PDSS2: variants seen among roughly 807,000 people sequenced by gnomAD.
PDSS2 encodes the protein all trans-polyprenyl-diphosphate synthase PDSS2.
In PDSS2, 31 loss-of-function variants were observed where a neutral mutation model predicts 44.5. The ratio of observed to expected loss-of-function variants is 0.70; its 90% CI spans 0.52 to 0.94. The LOEUF (loss-of-function observed/expected upper bound fraction) is 0.94. Ranked by LOEUF, PDSS2 falls within the 40% of genes least tolerant of loss-of-function variation. The pLI is 0.00. For missense variants in PDSS2, 452 were observed against 482.2 expected (o/e 0.94, Z 0.59); for synonymous variants, 157 against 180.3 (o/e 0.87, Z 1.03).
chr6:107,456,043 C>T lies in PDSS2; in HGVS notation c.296+2947G>A, dbSNP rs550276209. On this transcript the variant is annotated intron_variant, in intron 1 of 7. Transcript: ENST00000369037. ...TGTTAATTACAAGATGACTGTGAGG[C>T]CCGGCGTGGTGGCTCACGCCTATAA... Among the ~76,000 whole-genome samples the T allele has an allele frequency of 3.9e-5, 6 of 152,310 alleles. No homozygotes were observed. In the South Asian group the frequency reaches 1.2e-3, roughly 32 times the overall value.
chr6:107,321,774 T>C (rs1777388804), intron 2 of PDSS2, among the ~76,000 whole-genome samples: 1 of 152,176 alleles, frequency 6.6e-6, no homozygotes, highest in African/African-American at 2.4e-5. Context: ...ATATACTCAA[T>C]TCAACCACCT....
intron 1 of PDSS2, among the ~76,000 whole-genome samples, chr6:107,363,257 T>C (rs1778837570): frequency 6.6e-6 from 1 of 152,194 alleles, no homozygotes; most frequent in Admixed American, 6.5e-5. Flanking sequence ...GAAGGATAAA[T>C]TGTGTTCGGA....
chr6:107,389,462 A>G (rs1401086211), intron 1 of PDSS2, among the ~76,000 whole-genome samples: 3 of 152,222 alleles, frequency 2.0e-5, no homozygotes, highest in African/African-American at 7.2e-5. Flanking sequence ...TCACAGGGGT[A>G]TGATTTAACA....
intron 1 of PDSS2, among the ~76,000 whole-genome samples, chr6:107,405,178 C>G (rs149959560): frequency 4.6e-5 from 7 of 152,036 alleles, no homozygotes; most frequent in African/African-American, 1.2e-4. Flanking sequence ...ATTTTGTACC[C>G]TGCAGGAATA....
intron 3 of PDSS2, among the ~76,000 whole-genome samples, chr6:107,248,986 A>G (rs895156646): frequency 6.6e-6 from 1 of 152,192 alleles, no homozygotes; most frequent in African/African-American, 2.4e-5. Flanking sequence ...CACCCCATCA[A>G]CTGGCAAAGT....
Position 107,348,118 on chromosome 6 carries a change from T to C in PDSS2, c.297-13786A>G, listed in dbSNP as rs535642358. Among the ~76,000 whole-genome samples, 170 of 152,312 alleles carry C rather than the reference T, an allele frequency of 1.1e-3. 1 individual carries two copies. The highest frequency in any genetic ancestry group is 4.0e-3 in the African/African-American group (165 of 41,578). ...TGGAATTTCTGGATATCTATCGGCC[T>C]ATCTTTTCGACTGACTTTTTTTGGG... On this transcript the variant is annotated intron_variant, in intron 1 of 7. Transcript: ENST00000369037.
At chr6:107,366,354 T>A (rs1778959884) in intron 1 of PDSS2, among the ~76,000 whole-genome samples, 1 of 151,750 alleles carries the variant, frequency 6.6e-6, no homozygotes, top group Non-Finnish European at 1.5e-5. Flanking sequence ...AGACAACATA[T>A]CAAAATTTGT....
rs576739107 is a variant in PDSS2 at position 107,165,912 on chromosome 6, A to T, written c.1042-11135T>A. Among the ~76,000 whole-genome samples the T allele has an allele frequency of 6.2e-3, 941 of 151,614 alleles. 8 individuals carry two copies. Among genetic ancestry groups the T allele is most frequent in the African/African-American group, 0.021 (855 of 41,456 alleles). Reference sequence around the variant, plus strand: ...TGTAAGTTGGATTCCTAGGTATTTTATTCTCTTTGAAGCAATTGTGAATGG... The same window carrying T: ...TGTAAGTTGGATTCCTAGGTATTTTTTTCTCTTTGAAGCAATTGTGAATGG... On this transcript the variant is annotated intron_variant, in intron 7 of 7. Coordinates refer to ENST00000369037, the MANE Select transcript of PDSS2 (RefSeq NM_020381.4).
At chr6:107,431,313 C>T (rs189653285) in intron 1 of PDSS2, among the ~76,000 whole-genome samples, 5 of 152,128 alleles carry the variant, frequency 3.3e-5, no homozygotes, top group East Asian at 1.9e-4. Context: ...AGTGCAGTAG[C>T]GCAATCATGG....
intron 1 of PDSS2, among the ~76,000 whole-genome samples, chr6:107,420,464 T>C (rs938959649): frequency 6.6e-6 from 1 of 152,158 alleles, no homozygotes; most frequent in East Asian, 1.9e-4. Flanking sequence ...GACAGTATAG[T>C]ATTGGCAGAA....
chr6:107,282,466 C>A (rs941157094), intron 2 of PDSS2, among the ~76,000 whole-genome samples: 1 of 152,018 alleles, frequency 6.6e-6, no homozygotes, highest in African/African-American at 2.4e-5. Flanking sequence ...GACCATGGCT[C>A]ACTGTAACCT....
intron 7 of PDSS2, among the ~76,000 whole-genome samples, chr6:107,184,346 A>T (rs777793605): frequency 3.9e-5 from 6 of 152,172 alleles, no homozygotes; most frequent in Non-Finnish European, 7.3e-5. Context: ...ACTATATACA[A>T]AAAATTTCTA....
intron 7 of PDSS2, among the ~76,000 whole-genome samples, chr6:107,160,521 T>A (rs369388987): frequency 1.9e-5 from 1 of 52,770 alleles, no homozygotes. Flanking sequence ...CTAATTTAAA[T>A]TTTTTTTTTT....
intron 1 of PDSS2, among the ~76,000 whole-genome samples, chr6:107,447,338 A>G (rs957552128): frequency 2.6e-5 from 4 of 152,106 alleles, no homozygotes; most frequent in Non-Finnish European, 4.4e-5. Flanking sequence ...TCCGTCAAAA[A>G]GCAAAACAAA....
intron 1 of PDSS2, among the ~76,000 whole-genome samples, chr6:107,353,491 T>C (rs569540755): frequency 6.6e-6 from 1 of 152,294 alleles, no homozygotes; most frequent in African/African-American, 2.4e-5. Context: ...TTAGCTAATA[T>C]GACAGCAATA....
At chr6:107,162,939 A>G (rs1554246960) in intron 7 of PDSS2, among the ~76,000 whole-genome samples, 1 of 152,122 alleles carries the variant, frequency 6.6e-6, no homozygotes, top group African/African-American at 2.4e-5. Context: ...ATTATCTAAC[A>G]TTTAGTCCAG....
At chr6:107,347,495 C>T (rs1055739209) in intron 1 of PDSS2, among the ~76,000 whole-genome samples, 11 of 152,108 alleles carry the variant, frequency 7.2e-5, no homozygotes, top group African/African-American at 2.6e-4. Flanking sequence ...GAACTCCTGA[C>T]CTCGTGATCT....
chr6:107,372,669 G>T (rs1779163763), intron 1 of PDSS2, among the ~76,000 whole-genome samples: 1 of 152,092 alleles, frequency 6.6e-6, no homozygotes, highest in African/African-American at 2.4e-5. Context: ...AGCCAGGATG[G>T]TCTCGATCTC....
intron 6 of PDSS2, among the ~76,000 whole-genome samples, chr6:107,199,358 T>C (rs1772690040): frequency 6.6e-6 from 1 of 152,334 alleles, no homozygotes; most frequent in East Asian, 1.9e-4. Context: ...CTGAGTGCAG[T>C]GCTGTAATCA....
Sources: gnomAD v4.1 joint callset for allele counts (sites outside exome capture counted in the v4.1 genomes callset) on GRCh38, gnomAD v4.1.1 for gene constraint, MANE v1.5 for transcripts, NCBI Gene and HGNC (gene_info 2026-07-23, HGNC 2026-07-21) for gene names.